Variants in PIEZO2 observed in about 807,000 individuals in gnomAD.
PIEZO2 encodes piezo-type mechanosensitive ion channel component 2.
Under a neutral mutation model 337.3 loss-of-function variants are expected in PIEZO2, and 172 were observed. The ratio of observed to expected loss-of-function variants is 0.51; its 90% CI spans 0.45 to 0.58. The LOEUF (loss-of-function observed/expected upper bound fraction) is 0.58, where lower values mean the gene tolerates loss of function less well. PIEZO2 is among the 20% of genes least tolerant of loss of function. The pLI is 0.00. For synonymous variants in PIEZO2, 1,251 were observed against 1,228.5 expected (o/e 1.02, Z -0.38); for missense variants, 3,028 against 3,391.3 (o/e 0.89, Z 2.66).
rs1273477419 is a variant in PIEZO2, at chr18:10,752,698, G to A, written c.4105C>T (p.Arg1369Cys). The change falls in exon 28 of 56, where the codon CGC becomes TGC. Residue 1369 changes from arginine to cysteine, a missense_variant. Transcript: ENST00000674853. ...LLLKPIKSIL[R>C]YWDWLIAYNV... ...TATGCGATCAGCCAGTCCCAGTAGC[G>A]CAGGATGCTCTTGATGGGTTTCAAC... 9.1e-6 allele frequency: 14 copies of A among 1,537,088 alleles called. No individual in the cohort carries two copies. Among genetic ancestry groups the A allele is most frequent in the African/African-American group, 1.4e-5 (1 of 73,028 alleles).
Position 11,128,365 on chromosome 18 carries a change from C to G in PIEZO2, c.64+20160G>C, listed in dbSNP as rs919183670. ...TATCATGAGAGTGGCTGACCTGCAA[C>G]GAAAGATACATGCACAGCCCCGCCA... On this transcript the variant is annotated intron_variant, in intron 1 of 55. Coordinates refer to ENST00000674853, the MANE Select transcript of PIEZO2 (RefSeq NM_001378183.1). This position sits in a 1 kb window ranked among gnomAD's most constrained non-coding sequence, Gnocchi z 4.1. Among the ~76,000 whole-genome samples the G allele has an allele frequency of 6.6e-6, 1 of 152,054 alleles. No homozygotes were observed. Among genetic ancestry groups the G allele is most frequent in the African/African-American group, 2.4e-5 (1 of 41,374 alleles).
chr18:10,928,478 T>C (rs915086623), intron 3 of PIEZO2, among the ~76,000 whole-genome samples: 2 of 152,252 alleles, frequency 1.3e-5, no homozygotes, highest in Admixed American at 6.5e-5. Flanking sequence ...ACTTCCCTTT[T>C]GAGGGGAGGG....
At chr18:11,023,500 G>A (rs908537061) in intron 2 of PIEZO2, among the ~76,000 whole-genome samples, 1 of 152,218 alleles carries the variant, frequency 6.6e-6, no homozygotes. Context: ...GCTAGATATG[G>A]AGTGCCGATT....
At chr18:11,063,593 G>T (rs1402542272) in intron 2 of PIEZO2, among the ~76,000 whole-genome samples, 2 of 152,148 alleles carry the variant, frequency 1.3e-5, no homozygotes, top group Non-Finnish European at 2.9e-5. Context: ...TGGGCAGAGG[G>T]CCACGGAGCC....
Position 11,104,952 on chromosome 18 carries a change from C to T in PIEZO2, c.65-38730G>A, listed in dbSNP as rs906249106. The stretch of plus-strand genomic sequence containing the variant: ...TGCTGGGATCCCAGCAGGGCCACAG[C>T]GTGTCCTCTCTGGGACTTTCGCTGG... On this transcript the variant is annotated intron_variant, in intron 1 of 55. Transcript: ENST00000674853. This position sits in a 1 kb window ranked among gnomAD's most constrained non-coding sequence, Gnocchi z 4.6. 2.9e-4 allele frequency among the ~76,000 whole-genome samples: 44 copies of T among 152,282 alleles called. No homozygotes were observed. Among genetic ancestry groups the T allele is most frequent in the African/African-American group, 9.9e-4 (41 of 41,556 alleles).
intron 1 of PIEZO2, among the ~76,000 whole-genome samples, chr18:11,087,592 T>G (rs921698702): frequency 6.6e-6 from 1 of 152,226 alleles, no homozygotes. Flanking sequence ...CCTGTGAACA[T>G]TGATAATTTT....
At chr18:10,770,013 A>C in intron 21 of PIEZO2, 135 bp downstream of exon 21, 1 of 908,690 alleles carries the variant, frequency 1.1e-6, no homozygotes, top group Non-Finnish European at 1.6e-6. Flanking sequence ...CTGTAAGTGT[A>C]AGTACTTAGT....
rs908212585 is a variant in PIEZO2, at chr18:10,676,524, A to G, written c.8081+1223T>C. On this transcript the variant is annotated intron_variant, in intron 53 of 55. Coordinates refer to ENST00000674853, the MANE Select transcript of PIEZO2 (RefSeq NM_001378183.1). The surrounding 1 kb of genome is among the most constrained non-coding windows in gnomAD (Gnocchi z 5.1). ...AGATATATAATATGTTTTTTTCCAAATTTCCTTTTACCCCTTGTCCTCCTC... is the reference window on the plus strand; with the variant it reads ...AGATATATAATATGTTTTTTTCCAAGTTTCCTTTTACCCCTTGTCCTCCTC... Among the ~76,000 whole-genome samples the G allele has an allele frequency of 5.9e-5, 9 of 152,150 alleles. No homozygotes were observed. Among genetic ancestry groups the G allele is most frequent in the African/African-American group, 2.2e-4 (9 of 41,432 alleles).
intron 31 of PIEZO2, 26 bp from the exon 32 acceptor site, chr18:10,742,641 T>C: frequency 6.5e-7 from 1 of 1,535,966 alleles, no homozygotes; most frequent in Non-Finnish European, 8.7e-7. Flanking sequence ...ACATTAGTAA[T>C]GCCAAGAACA....
At position 10,724,729 on chromosome 18, in the gene PIEZO2, C is replaced by T; in HGVS notation, c.5030-6470G>A. 2 of 1,503,270 alleles carry T rather than the reference C, an allele frequency of 1.3e-6. No individual in the cohort carries two copies. The highest frequency in any genetic ancestry group is 1.3e-5 in the South Asian group (1 of 77,946). The allele number at this position is 1,503,270 out of a possible 1,614,324, so 93.1% of individuals were successfully genotyped here. ...GCACTCAGACCGAGATGGGCCACCACTGTACCCCTGGTCTCAGTCCCTGGC... is the reference window on the plus strand; with the variant it reads ...GCACTCAGACCGAGATGGGCCACCATTGTACCCCTGGTCTCAGTCCCTGGC... On this transcript the variant is annotated intron_variant, in intron 36 of 55. Transcript: ENST00000674853. The surrounding 1 kb of genome is among the most constrained non-coding windows in gnomAD (Gnocchi z 5.8).
Position 10,846,053 on chromosome 18 carries a change from C to T in PIEZO2, c.917+9300G>A, listed in dbSNP as rs1010763371. On this transcript the variant is annotated intron_variant, in intron 7 of 55. Transcript: ENST00000674853. This position sits in a 1 kb window ranked among gnomAD's most constrained non-coding sequence, Gnocchi z 4.1. ...GATGACCTTTCTGGAAAATAATTTC[C>T]CCACACATCTTATAGCCAGTGGCCA... is the stretch of plus-strand genomic sequence containing the variant. Among the ~76,000 whole-genome samples the T allele has an allele frequency of 2.6e-5, 4 of 152,082 alleles. No homozygotes were observed. Among genetic ancestry groups the T allele is most frequent in the Admixed American group, 1.3e-4 (2 of 15,268 alleles).
rs1301858613 is a variant in PIEZO2, at chr18:10,813,635, TA to T, written c.918-6362del. Reference sequence around the variant, plus strand: ...ATATACATATGTATGTCCCATTTGTTAATTCATCTGTTGATGGCACTTCCAC... The same window carrying T: ...ATATACATATGTATGTCCCATTTGTTATTCATCTGTTGATGGCACTTCCAC... On this transcript the variant is annotated intron_variant, in intron 7 of 55. Transcript: ENST00000674853. The surrounding 1 kb of genome is among the most constrained non-coding windows in gnomAD (Gnocchi z 4.2). Among the ~76,000 whole-genome samples, 1 of 152,116 alleles carries T rather than the reference TA, an allele frequency of 6.6e-6. No individual in the cohort carries two copies. Among genetic ancestry groups the T allele is most frequent in the Non-Finnish European group, 1.5e-5 (1 of 68,014 alleles).
intron 18 of PIEZO2, among the ~76,000 whole-genome samples, chr18:10,779,438 T>C (rs1350177708): frequency 6.6e-6 from 1 of 152,240 alleles, no homozygotes; most frequent in Non-Finnish European, 1.5e-5. Flanking sequence ...AGGATAACTC[T>C]GGAGGATAAC....
In PIEZO2 at chr18:11,143,631, ACACACACACT is replaced by A. The variant is rs754049257; in HGVS notation, c.64+4884_64+4893del. 4.2e-3 allele frequency among the ~76,000 whole-genome samples: 267 copies of A among 63,868 alleles called. No homozygotes were observed. Among genetic ancestry groups the A allele is most frequent in the African/African-American group, 0.019 (223 of 11,478 alleles). The allele number at this position is 63,868 out of a possible 152,430, so 41.9% of individuals were successfully genotyped here. A position where few individuals can be genotyped will look rare whatever the true frequency, so the allele number is the denominator to read the frequency against. ...CACACACACACACACACACACACAC[ACACACACACT>A]CTCTCTCTCTCTCTCTCTCTCTCTC... On this transcript the variant is annotated intron_variant, in intron 1 of 55. Transcript: ENST00000674853. This position sits in a 1 kb window ranked among gnomAD's most constrained non-coding sequence, Gnocchi z 4.9.
In PIEZO2 at chr18:11,035,663, G is replaced by C. The variant is rs528939828; in HGVS notation, c.160+30464C>G. 4.1e-4 allele frequency among the ~76,000 whole-genome samples: 62 copies of C among 152,254 alleles called. No homozygotes were observed. Among genetic ancestry groups the C allele is most frequent in the African/African-American group, 1.4e-3 (58 of 41,544 alleles). On this transcript the variant is annotated intron_variant, in intron 2 of 55. Transcript: ENST00000674853. The surrounding 1 kb of genome is among the most constrained non-coding windows in gnomAD (Gnocchi z 4.3). ...CAGCAGAGACCTCTAATATGCATAG[G>C]AAGTCACTCTTATCCCTGAAGAATG...
chr18:11,081,413 C>T (rs1411809486), intron 1 of PIEZO2, among the ~76,000 whole-genome samples: 1 of 152,200 alleles, frequency 6.6e-6, no homozygotes, highest in Non-Finnish European at 1.5e-5. Flanking sequence ...ATTGTAATCC[C>T]AGTCGAGCAA....
intron 52 of PIEZO2, among the ~76,000 whole-genome samples, chr18:10,678,829 G>A (rs924770902): frequency 1.3e-5 from 2 of 152,226 alleles, no homozygotes; most frequent in South Asian, 2.1e-4. Flanking sequence ...TTCGGAGACA[G>A]TCAAGCTGCC....
Position 10,815,068 on chromosome 18 carries a change from G to A in PIEZO2, c.918-7794C>T, listed in dbSNP as rs1216209912. Among the ~76,000 whole-genome samples, 1 of 152,106 alleles carries A rather than the reference G, an allele frequency of 6.6e-6. No individual in the cohort carries two copies. The highest frequency in any genetic ancestry group is 1.5e-5 in the Non-Finnish European group (1 of 68,022). Reference sequence around the variant, plus strand: ...AACTAATTGTGGGGAAAATGGCCAGGCACTAAAAATAATTAACTTTTCTTT... The same window carrying A: ...AACTAATTGTGGGGAAAATGGCCAGACACTAAAAATAATTAACTTTTCTTT... On this transcript the variant is annotated intron_variant, in intron 7 of 55. Coordinates refer to ENST00000674853, the MANE Select transcript of PIEZO2 (RefSeq NM_001378183.1). The surrounding 1 kb of genome is among the most constrained non-coding windows in gnomAD (Gnocchi z 4.1).
Position 10,682,384 on chromosome 18 carries a change from G to A in PIEZO2, c.7498-92C>T. On this transcript the variant is annotated intron_variant, in intron 49 of 55. Coordinates refer to ENST00000674853, the MANE Select transcript of PIEZO2 (RefSeq NM_001378183.1). This position sits in a 1 kb window ranked among gnomAD's most constrained non-coding sequence, Gnocchi z 5.6. ...GGGGGAGAGCGAGTGCTCTTCCTGT[G>A]GTGCTGGGAACATGGATTTGGCCCT... is the stretch of plus-strand genomic sequence containing the variant. 8.8e-7 allele frequency: 1 copy of A among 1,137,448 alleles called. No homozygotes were observed. The highest frequency in any genetic ancestry group is 1.2e-6 in the Non-Finnish European group (1 of 818,320). The allele number at this position is 1,137,448 out of a possible 1,614,324, so 70.5% of individuals were successfully genotyped here. A position where few individuals can be genotyped will look rare whatever the true frequency, so the allele number is the denominator to read the frequency against.
Sources: gnomAD v4.1 joint callset for allele counts (sites outside exome capture counted in the v4.1 genomes callset) on GRCh38, gnomAD v4.1.1 for gene constraint, Gnocchi (gnomAD v3.1) non-coding constraint, MANE v1.5 for transcripts, NCBI Gene and HGNC (gene_info 2026-07-23, HGNC 2026-07-21) for gene names.